PLEKHM1: variants seen among roughly 807,000 people sequenced by gnomAD.
The protein encoded by PLEKHM1 is pleckstrin homology and RUN domain containing M1.
In PLEKHM1, 28 loss-of-function variants were observed where a neutral mutation model predicts 94.3. The observed-to-expected ratio is 0.30, with a 90% confidence interval of 0.22 to 0.41. The LOEUF (loss-of-function observed/expected upper bound fraction) is 0.41, where lower values mean the gene tolerates loss of function less well. Among genes scored for constraint, PLEKHM1 ranks in the 10% least tolerant of loss-of-function variants. PLEKHM1 has a pLI of 1.00. For synonymous variants in PLEKHM1, 424 were observed against 581.2 expected (o/e 0.73, Z 3.89); for missense variants, 907 against 1,358.6 (o/e 0.67, Z 5.22).
intron 6 of PLEKHM1, chr17:45,456,232 GC>G (rs1197325864): frequency 6.6e-6 from 1 of 152,186 alleles, no homozygotes; most frequent in Non-Finnish European, 1.5e-5. Context: ...CACACACTAT[GC>G]TTACTTGTTA....
At chr17:45,475,847 A>G in intron 3 of PLEKHM1, 121 bp from the exon 4 acceptor site, 3 of 1,118,560 alleles carry the variant, frequency 2.7e-6, no homozygotes, top group Non-Finnish European at 4.0e-6. Context: ...ATGAAAAAAT[A>G]TTGGGTAATA....
At position 45,453,413 on chromosome 17, in the gene PLEKHM1, C is replaced by G; in HGVS notation, c.2439G>C (p.Gln813His). The change falls in exon 7 of 12, where the codon CAG becomes CAC. Residue 813 changes from glutamine to histidine, a missense_variant. This residue lies in a region of PLEKHM1 where 254 missense variants were observed against 451.1 expected (regional missense o/e 0.56). Coordinates refer to ENST00000430334, the MANE Select transcript of PLEKHM1 (RefSeq NM_014798.3). This position sits in a 1 kb window ranked among gnomAD's most constrained non-coding sequence, Gnocchi z 4.1. ...TCTCCATGGGGATAGCCACCAGGTA[C>G]TGCAGCAGGAAGCCATTCTCCCGGG... ...FATRENGFLLQYLVAIPMEKG... is the reference protein window; with the variant it reads ...FATRENGFLLHYLVAIPMEKG... 1 of 1,613,832 alleles carries G rather than the reference C, an allele frequency of 6.2e-7. No homozygotes were observed.
intron 5 of PLEKHM1, among the ~76,000 whole-genome samples, chr17:45,461,046 G>A (rs1218427817): frequency 6.6e-6 from 1 of 151,968 alleles, no homozygotes; most frequent in Non-Finnish European, 1.5e-5. Flanking sequence ...CACCACGCCT[G>A]GCTAATTTTG....
At chr17:45,483,544 T>G (rs2052022499) in intron 1 of PLEKHM1, among the ~76,000 whole-genome samples, 1 of 151,662 alleles carries the variant, frequency 6.6e-6, no homozygotes, top group African/African-American at 2.4e-5. Flanking sequence ...GGCAGGCACA[T>G]TCACACGTAA....
intron 5 of PLEKHM1, chr17:45,460,023 T>C (rs1255904634): frequency 6.6e-6 from 1 of 151,172 alleles, no homozygotes; most frequent in Non-Finnish European, 1.5e-5. Context: ...GATGTCCTTA[T>C]AAGAGGAGGA....
intron 8 of PLEKHM1, among the ~76,000 whole-genome samples, chr17:45,447,370 G>C (rs1436756170): frequency 6.6e-6 from 1 of 152,256 alleles, no homozygotes. Context: ...TGGTGACTTG[G>C]GTCAAGCTGC....
At chr17:45,462,257 C>A (rs1232642157) in intron 5 of PLEKHM1, among the ~76,000 whole-genome samples, 1 of 152,166 alleles carries the variant, frequency 6.6e-6, no homozygotes, top group East Asian at 1.9e-4. Flanking sequence ...TTCCCCCCTG[C>A]CAGTGACAGA....
At chr17:45,477,665 G>T in intron 3 of PLEKHM1, 1 of 574,544 alleles carries the variant, frequency 1.7e-6, no homozygotes, top group South Asian at 2.0e-5. Context: ...TCTCAAAGCA[G>T]CCACAGGCTC....
chr17:45,473,815 C>T (rs1332729229), intron 4 of PLEKHM1, among the ~76,000 whole-genome samples: 5 of 152,060 alleles, frequency 3.3e-5, no homozygotes, highest in Admixed American at 6.5e-5. Flanking sequence ...GCCTCGGCCT[C>T]CCAAAGTGCT....
At chr17:45,438,874 A>G (rs1020530342) in intron 11 of PLEKHM1, among the ~76,000 whole-genome samples, 1 of 152,196 alleles carries the variant, frequency 6.6e-6, no homozygotes, top group Non-Finnish European at 1.5e-5. Context: ...TATAATTTTA[A>G]AAACTCAGCC....
At position 45,445,006 on chromosome 17, in the gene PLEKHM1, C is replaced by T. The variant is rs2050558209; in HGVS notation, c.2837+464G>A. ...GTTGCTGGCTTTCCTACTTGTCTTC[C>T]CTGCCAGGCCAGAGACTTCCGGCGG... On this transcript the variant is annotated intron_variant, in intron 9 of 11. Transcript: ENST00000430334. This position sits in a 1 kb window ranked among gnomAD's most constrained non-coding sequence, Gnocchi z 4.2. Among the ~76,000 whole-genome samples the T allele has an allele frequency of 6.6e-6, 1 of 152,232 alleles. No individual in the cohort carries two copies. The highest frequency in any genetic ancestry group is 6.5e-5 in the Admixed American group (1 of 15,284).
chr17:45,458,498 T>C, intron 5 of PLEKHM1, 59 bp from the exon 6 acceptor site: 1 of 1,516,092 alleles, frequency 6.6e-7, no homozygotes, highest in Non-Finnish European at 9.1e-7. Flanking sequence ...TGAGACGGAG[T>C]CTCGCTCTGT....
rs535385252 is a variant in PLEKHM1 at position 45,454,220 on chromosome 17, C to A, written c.1632G>T (p.Arg544=). ...GLMKLGTVER[R]GAMGIWKELF... ...GCTCCTTCCAGATGCCCATTGCCCC[C>A]CGCCGCTCCACGGTGCCCAGCTTCA... is the stretch of plus-strand genomic sequence containing the variant. Residue 544 remains arginine (R), a synonymous_variant, in exon 7 of 12, where the codon CGG becomes CGT. Transcript: ENST00000430334. 1.9e-6 allele frequency: 3 copies of A among 1,611,200 alleles called. No homozygotes were observed. The highest frequency in any genetic ancestry group is 2.5e-6 in the Non-Finnish European group (3 of 1,178,902).
At chr17:45,490,189 T>G (rs1202553036) in intron 1 of PLEKHM1, among the ~76,000 whole-genome samples, 4 of 140,304 alleles carry the variant, frequency 2.9e-5, no homozygotes, top group Admixed American at 7.3e-5. Flanking sequence ...AGACGGGGGA[T>G]GGGGGTGACT....
chr17:45,434,686 C>A (rs938257747), downstream of PLEKHM1, among the ~76,000 whole-genome samples: 28 of 152,052 alleles, frequency 1.8e-4, no homozygotes, highest in Non-Finnish European at 3.4e-4. Flanking sequence ...CTCAGATGAT[C>A]CAACCTCCTC....
chr17:45,455,814 A>T (rs1340343511), intron 6 of PLEKHM1, among the ~76,000 whole-genome samples: 1 of 152,122 alleles, frequency 6.6e-6, no homozygotes, highest in Non-Finnish European at 1.5e-5. Flanking sequence ...CGTAGGAGCC[A>T]TGATGACCCA....
intron 4 of PLEKHM1, among the ~76,000 whole-genome samples, chr17:45,471,117 T>C (rs1330338411): frequency 6.6e-6 from 1 of 152,082 alleles, no homozygotes; most frequent in East Asian, 1.9e-4. Context: ...AATAACTAAA[T>C]GTTTAAATGG....
At chr17:45,488,676 C>T (rs548944265) in intron 1 of PLEKHM1, among the ~76,000 whole-genome samples, 44 of 152,274 alleles carry the variant, frequency 2.9e-4, no homozygotes, top group Middle Eastern at 3.4e-3. Context: ...CGGCGGCTCA[C>T]GCCCGTAATC....
Position 45,458,192 on chromosome 17 carries a change from C to T in PLEKHM1, c.1556G>A (p.Arg519Gln), listed in dbSNP as rs757083828. The stretch of plus-strand genomic sequence containing the variant: ...ACCCATCTGTCTCCGGTGTACCACC[C>T]GGAAGCTCTTATGCCCCTGGGATGG... Reference protein sequence around the residue: ...AAPSQGHKSFRVVHRRQMGLS... With the variant: ...AAPSQGHKSFQVVHRRQMGLS... Residue 519 changes from arginine (R) to glutamine (Q), a missense_variant, in exon 6 of 12, where the codon CGG becomes CAG. Around this residue, in one of 3 missense-constraint regions of PLEKHM1, gnomAD observed 477 missense variants for 601.5 expected, o/e 0.79. Transcript: ENST00000430334. The T allele has an allele frequency of 3.6e-5, 58 of 1,613,536 alleles. No individual in the cohort carries two copies. The highest frequency in any genetic ancestry group is 4.4e-5 in the Non-Finnish European group (52 of 1,179,774).
Sources: allele counts gnomAD v4.1 joint callset (sites outside exome capture counted in the v4.1 genomes callset), GRCh38; gene constraint gnomAD v4.1.1; regional missense constraint gnomAD v4.1.1; non-coding constraint Gnocchi (gnomAD v3.1); transcripts MANE v1.5; gene names NCBI Gene and HGNC (gene_info 2026-07-23, HGNC 2026-07-21).